Variants in GPC6 observed in about 807,000 individuals in gnomAD.
GPC6 encodes glypican-6.
GPC6 carries 14 observed loss-of-function variants against 55.2 expected under a neutral mutation model. The observed-to-expected ratio is 0.25, with a 90% confidence interval of 0.17 to 0.40. The LOEUF (loss-of-function observed/expected upper bound fraction) is 0.40. Ranked by LOEUF, GPC6 falls within the 10% of genes least tolerant of loss-of-function variation. The pLI, the probability that GPC6 is intolerant of heterozygous loss-of-function variation, is 1.00. For synonymous variants in GPC6, 278 were observed against 259.6 expected (o/e 1.07, Z -0.68); for missense variants, 641 against 708.5 (o/e 0.90, Z 1.08).
intron 6 of GPC6, among the ~76,000 whole-genome samples, chr13:94,332,163 CTTTTA>C (rs1877460541): frequency 1.3e-5 from 2 of 152,216 alleles, no homozygotes; most frequent in South Asian, 4.1e-4. Context: ...TTAATTTTTT[CTTTTA>C]TAATTCTTTT....
At chr13:94,168,851 C>T (rs1467391474) in intron 4 of GPC6, among the ~76,000 whole-genome samples, 2 of 151,942 alleles carry the variant, frequency 1.3e-5, no homozygotes, top group East Asian at 1.9e-4. Context: ...AAAACACTTT[C>T]GTGGGCCCTG....
chr13:93,427,413 A>G (rs1327892740), intron 1 of GPC6, among the ~76,000 whole-genome samples: 1 of 151,698 alleles, frequency 6.6e-6, no homozygotes, highest in Non-Finnish European at 1.5e-5. Context: ...ATATAGATCA[A>G]TGGAACAGAA....
chr13:93,280,469 T>C (rs1352685635), intron 1 of GPC6, among the ~76,000 whole-genome samples: 1 of 152,248 alleles, frequency 6.6e-6, no homozygotes, highest in Non-Finnish European at 1.5e-5. Flanking sequence ...CATTCATACT[T>C]TCCTCACTTT....
At chr13:93,837,134 G>T (rs1354993133) in intron 3 of GPC6, among the ~76,000 whole-genome samples, 1 of 152,196 alleles carries the variant, frequency 6.6e-6, no homozygotes, top group Non-Finnish European at 1.5e-5. Context: ...TATTTCCAAT[G>T]AATTAAAGGC....
At chr13:93,924,239 C>G (rs1877729724) in intron 3 of GPC6, among the ~76,000 whole-genome samples, 1 of 152,166 alleles carries the variant, frequency 6.6e-6, no homozygotes, top group Non-Finnish European at 1.5e-5. Flanking sequence ...GAGAAAATGC[C>G]ACTAATGGCA....
intron 1 of GPC6, among the ~76,000 whole-genome samples, chr13:93,402,490 AAT>A (rs1285231049): frequency 3.9e-5 from 6 of 152,162 alleles, no homozygotes; most frequent in African/African-American, 7.2e-5. Flanking sequence ...TATTCAATGA[AAT>A]GTAAAGTTAG....
chr13:93,606,666 G>A (rs928807873), intron 2 of GPC6, among the ~76,000 whole-genome samples: 5 of 152,124 alleles, frequency 3.3e-5, no homozygotes, highest in Non-Finnish European at 7.4e-5. Flanking sequence ...AATACAAAAT[G>A]ATAATTCAAT....
rs866260987 is a variant in GPC6, at chr13:93,812,149, G to T, written c.320-18005G>T. On this transcript the variant is annotated intron_variant, in intron 2 of 8. Coordinates refer to ENST00000377047, the MANE Select transcript of GPC6 (RefSeq NM_005708.5). ...TTTGGGAGTGCAAGGCGGTGGGGGGGGGGGCGGGGGGTGGGTGGATCACGA... is the reference window on the plus strand; with the variant it reads ...TTTGGGAGTGCAAGGCGGTGGGGGGTGGGGCGGGGGGTGGGTGGATCACGA... Among the ~76,000 whole-genome samples, 31 of 140,488 alleles carry T rather than the reference G, an allele frequency of 2.2e-4. No individual in the cohort carries two copies. In the South Asian group the frequency reaches 5.2e-3, roughly 23 times the overall value. 92.2% of individuals were successfully genotyped at this position (140,488 alleles called of 152,430 possible).
chr13:93,243,440 A>G (rs1490195977), intron 1 of GPC6, among the ~76,000 whole-genome samples: 3 of 152,208 alleles, frequency 2.0e-5, no homozygotes, highest in Admixed American at 1.3e-4. Context: ...CTGATCCCTC[A>G]GGCCATGGAC....
intron 1 of GPC6, among the ~76,000 whole-genome samples, chr13:93,371,013 C>T (rs759597572): frequency 5.3e-5 from 8 of 152,154 alleles, no homozygotes; most frequent in Middle Eastern, 3.4e-3. Context: ...GTTAGGAGAA[C>T]GCTACTGGAA....
At chr13:93,966,299 A>T (rs1933145) in intron 3 of GPC6, among the ~76,000 whole-genome samples, 33,729 of 152,184 alleles carry the variant, frequency 0.22, 4,191 homozygotes, top group East Asian at 0.39. Context: ...TCCTCAAAGA[A>T]TTGAGTGGGT....
chr13:94,029,430 A>G (rs1168386550), intron 4 of GPC6, among the ~76,000 whole-genome samples: 1 of 152,172 alleles, frequency 6.6e-6, no homozygotes, highest in Admixed American at 6.5e-5. Context: ...AAAATTGTGG[A>G]GGGGTTATGA....
chr13:93,699,071 G>T (rs1435613742), intron 2 of GPC6, among the ~76,000 whole-genome samples: 1 of 152,086 alleles, frequency 6.6e-6, no homozygotes, highest in East Asian at 1.9e-4. Flanking sequence ...TGACTGTTCA[G>T]CCAGGAGCTT....
chr13:94,345,245 C>T (rs917255514), intron 6 of GPC6, among the ~76,000 whole-genome samples: 1 of 152,106 alleles, frequency 6.6e-6, no homozygotes, highest in African/African-American at 2.4e-5. Flanking sequence ...ATTTTTCTGT[C>T]TTTCTTAACC....
intron 4 of GPC6, among the ~76,000 whole-genome samples, chr13:94,087,592 C>A (rs1405855876): frequency 6.6e-6 from 1 of 152,184 alleles, no homozygotes; most frequent in Non-Finnish European, 1.5e-5. Flanking sequence ...TCCTAACAGG[C>A]TATTGATAAA....
chr13:94,043,037 T>G (rs1450550013), intron 4 of GPC6, among the ~76,000 whole-genome samples: 1 of 151,970 alleles, frequency 6.6e-6, no homozygotes. Context: ...GTTTGTACAT[T>G]GGGAGCTCCT....
At chr13:93,290,719 G>T (rs905370711) in intron 1 of GPC6, among the ~76,000 whole-genome samples, 1 of 152,058 alleles carries the variant, frequency 6.6e-6, no homozygotes, top group Non-Finnish European at 1.5e-5. Context: ...TGAGTCATTT[G>T]TTCCAACCTT....
rs181125418 is a variant in GPC6 at position 93,686,420 on chromosome 13, T to C, written c.319+140999T>C. Among the ~76,000 whole-genome samples, 35 of 152,246 alleles carry C rather than the reference T, an allele frequency of 2.3e-4. 1 individual carries two copies. In the South Asian group the frequency reaches 3.3e-3, roughly 14 times the overall value. On this transcript the variant is annotated intron_variant, in intron 2 of 8. Coordinates refer to ENST00000377047, the MANE Select transcript of GPC6 (RefSeq NM_005708.5). The stretch of plus-strand genomic sequence containing the variant: ...TTTGGCTGTCTTGAGATTAAGGGTG[T>C]TTGGAGTCTCTGTGATCCCATTGGA...
chr13:93,317,405 G>A (rs1357807613), intron 1 of GPC6, among the ~76,000 whole-genome samples: 1 of 152,152 alleles, frequency 6.6e-6, no homozygotes, highest in East Asian at 1.9e-4. Context: ...GACCTCCCAT[G>A]CTTCAAAGTG....
Sources: gnomAD v4.1 joint callset for allele counts (sites outside exome capture counted in the v4.1 genomes callset) on GRCh38, gnomAD v4.1.1 for gene constraint, MANE v1.5 for transcripts, NCBI Gene and HGNC (gene_info 2026-07-23, HGNC 2026-07-21) for gene names.